Variants in RABEPK observed in about 807,000 individuals in gnomAD.
RABEPK encodes Rab9 effector protein with kelch motifs, also known as 40 kDa Rab9 effector protein.
In RABEPK, 27 loss-of-function variants were observed where a neutral mutation model predicts 34.1. The observed-to-expected ratio is 0.79, with a 90% CI of 0.58 to 1.09. The LOEUF (loss-of-function observed/expected upper bound fraction) is 1.09. RABEPK is among the 50% of genes least tolerant of loss of function. RABEPK has a pLI of 0.00. For missense variants in RABEPK, 449 were observed against 462.6 expected, an observed-to-expected ratio of 0.97 and a Z score of 0.27; for synonymous variants, 172 against 169.2, an observed-to-expected ratio of 1.02 and a Z score of -0.13.
rs181207695 is a variant in RABEPK, at chr9:125,212,469, T to G, written c.212-901T>G. Among the ~76,000 whole-genome samples, 1,108 of 152,112 alleles carry G rather than the reference T, an allele frequency of 7.3e-3. 10 individuals are homozygous for G. The highest frequency in any genetic ancestry group is 0.025 in the African/African-American group (1,052 of 41,498). On this transcript the variant is annotated intron_variant, in intron 3 of 7. Transcript: ENST00000373538. Reference sequence around the variant, plus strand: ...CTCCTGACCTCATGATCCGCCCACCTCGGCCTCCCAAAGTGCTGGGATTAC... The same window carrying G: ...CTCCTGACCTCATGATCCGCCCACCGCGGCCTCCCAAAGTGCTGGGATTAC...
chr9:125,220,370 G>A (rs1211313447), intron 4 of RABEPK, 169 bp from the exon 5 acceptor site: 4 of 1,463,524 alleles, frequency 2.7e-6, no homozygotes, highest in African/African-American at 2.9e-5. Flanking sequence ...CAAATCCTAA[G>A]TATCATCTTC....
Position 125,204,190 on chromosome 9 carries a change from C to T in RABEPK, c.53+1124C>T, listed in dbSNP as rs567461084. Among the ~76,000 whole-genome samples the T allele has an allele frequency of 2.6e-5, 4 of 151,856 alleles. No homozygotes were observed. The South Asian group carries it at 6.2e-4, about 24-fold the overall frequency. ...TCTACTAAAAATACAAAAAATTAGC[C>T]GGGCGTGGTGGCGGGCATCTGTAGT... is the stretch of plus-strand genomic sequence containing the variant. On this transcript the variant is annotated intron_variant, in intron 2 of 7. Transcript: ENST00000373538.
chr9:125,213,807 A>G (rs10986643), intron 4 of RABEPK, among the ~76,000 whole-genome samples: 1 of 152,190 alleles, frequency 6.6e-6, no homozygotes, highest in African/African-American at 2.4e-5. Context: ...CAGGTTTATC[A>G]AGGGCAAAGT....
rs1350388750 is a variant in RABEPK, at chr9:125,232,715, G to A, written c.796G>A (p.Ala266Thr). 1.9e-6 allele frequency: 3 copies of A among 1,613,830 alleles called. No homozygotes were observed. The highest frequency in any genetic ancestry group is 3.3e-5 in the Admixed American group (2 of 59,974). The change falls in exon 7 of 8, where the codon GCA becomes ACA. Residue 266 changes from alanine (A) to threonine (T), a missense_variant. By Grantham distance (58) the Ala-to-Thr change is moderately conservative. Transcript: ENST00000373538. ...CTTTGGTGGAATGACTCCTGCAGGA[G>A]CACTGGACACAATGTACCAGTATCA... ...YIFGGMTPAG[A>T]LDTMYQYHTE...
At position 125,208,514 on chromosome 9, in the gene RABEPK, C is replaced by T. The variant is rs140188875; in HGVS notation, c.211+793C>T. On this transcript the variant is annotated intron_variant, in intron 3 of 7. Transcript: ENST00000373538. Reference sequence around the variant, plus strand: ...CAGCCTCCCCAAGTACTTGGGATTACAGGCATGTGCCACCATGCCCAGCTA... The same window carrying T: ...CAGCCTCCCCAAGTACTTGGGATTATAGGCATGTGCCACCATGCCCAGCTA... Among the ~76,000 whole-genome samples, 723 of 151,800 alleles carry T rather than the reference C, an allele frequency of 4.8e-3. 6 individuals carry two copies. Among genetic ancestry groups the T allele is most frequent in the African/African-American group, 0.016 (679 of 41,382 alleles).
chr9:125,204,110 G>A (rs1364781448), intron 2 of RABEPK, among the ~76,000 whole-genome samples: 3 of 151,362 alleles, frequency 2.0e-5, no homozygotes, highest in African/African-American at 7.3e-5. Context: ...CGAGGTGGGC[G>A]GATCACGAGG....
chr9:125,203,717 C>T (rs924726425), intron 2 of RABEPK, among the ~76,000 whole-genome samples: 1 of 152,156 alleles, frequency 6.6e-6, no homozygotes, highest in African/African-American at 2.4e-5. Context: ...TTTTGTGCCT[C>T]CCTGTTGGTG....
At chr9:125,225,742 C>T (rs1455073104) in intron 5 of RABEPK, among the ~76,000 whole-genome samples, 2 of 151,850 alleles carry the variant, frequency 1.3e-5, no homozygotes, top group African/African-American at 2.4e-5. Flanking sequence ...GGGCAGATCA[C>T]GAGGTCAGGA....
At chr9:125,220,298 C>A in intron 4 of RABEPK, 1 of 1,412,428 alleles carries the variant, frequency 7.1e-7, no homozygotes, top group Non-Finnish European at 9.3e-7. Context: ...CACACTGCAC[C>A]CAGCCTGACT....
chr9:125,227,403 G>A (rs891679499), intron 5 of RABEPK, among the ~76,000 whole-genome samples: 3 of 151,780 alleles, frequency 2.0e-5, no homozygotes, highest in Non-Finnish European at 4.4e-5. Flanking sequence ...AAGCATGCAC[G>A]CAGAGCCTCT....
At chr9:125,220,037 C>T (rs1278958706) in intron 4 of RABEPK, among the ~76,000 whole-genome samples, 1 of 151,818 alleles carries the variant, frequency 6.6e-6, no homozygotes, top group Non-Finnish European at 1.5e-5. Flanking sequence ...CTTGCTCTGT[C>T]ACCCAGGCTG....
At chr9:125,203,149 A>G (rs1830011669) in intron 2 of RABEPK, 83 bp downstream of exon 2, 1 of 1,205,438 alleles carries the variant, frequency 8.3e-7, no homozygotes, top group African/African-American at 1.5e-5. Flanking sequence ...TTGATCATCA[A>G]CAAAAAGGGG....
chr9:125,223,778 ATTTCAGG>A (rs1831531322), intron 5 of RABEPK, among the ~76,000 whole-genome samples: 1 of 151,328 alleles, frequency 6.6e-6, no homozygotes, highest in Non-Finnish European at 1.5e-5. Context: ...TGCAGAAACC[ATTTCAGG>A]TAATTTTAAA....
At chr9:125,219,036 A>T (rs1244012080) in intron 4 of RABEPK, among the ~76,000 whole-genome samples, 1 of 151,974 alleles carries the variant, frequency 6.6e-6, no homozygotes, top group East Asian at 1.9e-4. Flanking sequence ...CTGGCTAGCC[A>T]TGTCTCTTTT....
intron 3 of RABEPK, 34 bp downstream of exon 3, chr9:125,207,755 G>T (rs1830323250): frequency 6.2e-7 from 1 of 1,611,334 alleles, no homozygotes; most frequent in African/African-American, 1.3e-5. Flanking sequence ...CATGCCCTAT[G>T]GCCAGAGAAC....
chr9:125,200,973 T>G (rs900355496), intron 1 of RABEPK, 67 bp downstream of exon 1: 4 of 403,564 alleles, frequency 9.9e-6, no homozygotes, highest in African/African-American at 2.0e-5. Flanking sequence ...CCCCCACTTC[T>G]ACTCCATGCC....
intron 6 of RABEPK, among the ~76,000 whole-genome samples, chr9:125,231,972 T>A (rs1832214646): frequency 6.9e-6 from 1 of 144,060 alleles, no homozygotes; most frequent in East Asian, 2.1e-4. Context: ...TGATCTCAGC[T>A]CAGCGCAACC....
intron 3 of RABEPK, among the ~76,000 whole-genome samples, chr9:125,208,119 C>T (rs1036369715): frequency 6.6e-5 from 10 of 151,932 alleles, no homozygotes; most frequent in African/African-American, 2.4e-4. Flanking sequence ...CAGAGCAAGA[C>T]TCTGTCTCAA....
chr9:125,233,967 C>T lies in RABEPK; in HGVS notation c.1106C>T (p.Thr369Ile), dbSNP rs1366721354. 1.2e-6 allele frequency: 2 copies of T among 1,602,930 alleles called. No individual in the cohort carries two copies. Among genetic ancestry groups the T allele is most frequent in the South Asian group, 1.1e-5 (1 of 90,538 alleles). The change falls in exon 8 of 8, where the codon ACT becomes ATT. Residue 369 changes from threonine (T) to isoleucine (I), a missense_variant. Transcript: ENST00000373538. ...EGEIYDDCIV[T>I]VVD ...GAAATCTATGACGATTGTATTGTGA[C>T]TGTAGTGGACTAATAAAACCCACAT...
Sources: gnomAD v4.1 joint callset for allele counts (sites outside exome capture counted in the v4.1 genomes callset) on GRCh38, gnomAD v4.1.1 for gene constraint, MANE v1.5 for transcripts, NCBI Gene and HGNC (gene_info 2026-07-23, HGNC 2026-07-21) for gene names.